The following PRKN variants were observed in gnomAD, a reference collection of about 807,000 sequenced individuals.
The protein encoded by PRKN is E3 ubiquitin-protein ligase parkin.
A neutral mutation model predicts 59.5 loss-of-function variants in PRKN; 56 were observed. That is an observed-to-expected ratio of 0.94 (90% confidence interval 0.76 to 1.18). The LOEUF (loss-of-function observed/expected upper bound fraction) is 1.18. Ranked by LOEUF, PRKN falls within the 50% of genes most tolerant of loss-of-function variation. The probability of loss-of-function intolerance (pLI) is 0.00; values close to 1 mark genes in which losing one functional copy is unlikely to be tolerated. For synonymous variants in PRKN, 250 were observed against 222.1 expected, an observed-to-expected ratio of 1.13 and a Z score of -1.12; for missense variants, 657 against 596.4, an observed-to-expected ratio of 1.10 and a Z score of -1.06.
chr6:162,170,857 C>T (rs1027202615), intron 4 of PRKN, among the ~76,000 whole-genome samples: 4 of 152,070 alleles, frequency 2.6e-5, no homozygotes, highest in Non-Finnish European at 5.9e-5. Context: ...TTGCTTGTGT[C>T]TCATTTAAGT....
chr6:161,516,426 C>A (rs1228130395), intron 9 of PRKN, among the ~76,000 whole-genome samples: 2 of 137,368 alleles, frequency 1.5e-5, no homozygotes, highest in African/African-American at 2.7e-5. Context: ...AAGATTGCAC[C>A]ACTGTGCACT....
chr6:162,620,586 C>A (rs904207038), intron 1 of PRKN, among the ~76,000 whole-genome samples: 2 of 152,168 alleles, frequency 1.3e-5, no homozygotes, highest in Non-Finnish European at 2.9e-5. Flanking sequence ...CATGTATTAT[C>A]TTTTTATTCC....
chr6:162,583,638 T>C (rs1780878749), intron 1 of PRKN, among the ~76,000 whole-genome samples: 1 of 152,196 alleles, frequency 6.6e-6, no homozygotes, highest in Admixed American at 6.5e-5. Flanking sequence ...TCTCTGTTTA[T>C]GCTTTTCCTC....
intron 9 of PRKN, among the ~76,000 whole-genome samples, chr6:161,490,547 C>G (rs542486080): frequency 2.0e-5 from 3 of 151,926 alleles, no homozygotes; most frequent in Non-Finnish European, 2.9e-5. Context: ...GGCACCACCA[C>G]GCTCAGCTAA....
chr6:162,690,911 T>C (rs922637259), intron 1 of PRKN, among the ~76,000 whole-genome samples: 2 of 152,188 alleles, frequency 1.3e-5, no homozygotes, highest in Admixed American at 6.5e-5. Context: ...ACAGATTCTA[T>C]AATTACAGTG....
At position 162,584,893 on chromosome 6, in the gene PRKN, TCCCC is replaced by T. The variant is rs1562409690; in HGVS notation, c.8-141424_8-141421del. Among the ~76,000 whole-genome samples, 29 of 64,018 alleles carry T rather than the reference TCCCC, an allele frequency of 4.5e-4. 1 individual carries two copies. The highest frequency in any genetic ancestry group is 7.6e-4 in the Non-Finnish European group (25 of 32,978). The allele number at this position is 64,018 out of a possible 152,430, so 42.0% of individuals were successfully genotyped here. A position where few individuals can be genotyped will look rare whatever the true frequency, so the allele number is the denominator to read the frequency against. On this transcript the variant is annotated intron_variant, in intron 1 of 11. Transcript: ENST00000366898. ...TCCCCTCCCCTCCCCTCCCCTCCCCTCCCCTCTCCTCTTCTCTTTTCTTTTCTTT... is the reference window on the plus strand; with the variant it reads ...TCCCCTCCCCTCCCCTCCCCTCCCCTTCTCCTCTTCTCTTTTCTTTTCTTT...
chr6:161,646,507 C>T (rs1375899297), intron 7 of PRKN, among the ~76,000 whole-genome samples: 3 of 121,352 alleles, frequency 2.5e-5, no homozygotes, highest in South Asian at 5.7e-4. Context: ...GAGGAGGTGG[C>T]GTATGAGTGA....
At chr6:162,361,805 C>T (rs950460543) in intron 2 of PRKN, among the ~76,000 whole-genome samples, 3 of 152,162 alleles carry the variant, frequency 2.0e-5, no homozygotes, top group Non-Finnish European at 4.4e-5. Flanking sequence ...TATCTGCTCA[C>T]GTACTTCCAG....
intron 7 of PRKN, among the ~76,000 whole-genome samples, chr6:161,709,122 A>G (rs981531332): frequency 6.6e-6 from 1 of 152,254 alleles, no homozygotes; most frequent in African/African-American, 2.4e-5. Flanking sequence ...TGAGGAAGAT[A>G]TAAAGAGGCA....
At chr6:162,250,389 A>G (rs1779385302) in intron 3 of PRKN, among the ~76,000 whole-genome samples, 1 of 152,158 alleles carries the variant, frequency 6.6e-6, no homozygotes, top group Non-Finnish European at 1.5e-5. Flanking sequence ...CCCAAAGTCA[A>G]TGGTTTAATA....
At chr6:162,543,538 G>A (rs1011581234) in intron 1 of PRKN, among the ~76,000 whole-genome samples, 2 of 151,986 alleles carry the variant, frequency 1.3e-5, no homozygotes, top group African/African-American at 4.8e-5. Flanking sequence ...TGTGTTCTAA[G>A]TTCCTCGCCT....
rs562272579 is a variant in PRKN at position 162,470,733 on chromosome 6, ATT to A, written c.8-27262_8-27261del. Among the ~76,000 whole-genome samples the A allele has an allele frequency of 5.6e-3, 846 of 152,126 alleles. 7 individuals carry two copies. Among genetic ancestry groups the A allele is most frequent in the African/African-American group, 0.019 (801 of 41,500 alleles). The stretch of plus-strand genomic sequence containing the variant: ...CTACACCTGAGGCATTCACACTTTA[ATT>A]TTGTTTATTTATTTTTAAATTTTAT... On this transcript the variant is annotated intron_variant, in intron 1 of 11. Transcript: ENST00000366898.
chr6:161,840,202 G>A (rs1792926445), intron 6 of PRKN, among the ~76,000 whole-genome samples: 1 of 152,228 alleles, frequency 6.6e-6, no homozygotes, highest in Admixed American at 6.5e-5. Flanking sequence ...GGGACCAAAT[G>A]GCAAGTGCAG....
intron 9 of PRKN, among the ~76,000 whole-genome samples, chr6:161,494,610 T>C (rs1777675804): frequency 6.6e-6 from 1 of 152,250 alleles, no homozygotes; most frequent in South Asian, 2.1e-4. Flanking sequence ...GACTGGTTCC[T>C]TCATTCAGTA....
chr6:162,430,824 A>G (rs982354329), intron 2 of PRKN, among the ~76,000 whole-genome samples: 1 of 152,188 alleles, frequency 6.6e-6, no homozygotes, highest in African/African-American at 2.4e-5. Context: ...TGGCTGCTAA[A>G]ATAGGAAGAG....
chr6:162,186,515 A>C (rs1411582479), intron 4 of PRKN, among the ~76,000 whole-genome samples: 1 of 152,002 alleles, frequency 6.6e-6, no homozygotes, highest in African/African-American at 2.4e-5. Context: ...CTATGGAAAG[A>C]CTCCACTCAG....
At chr6:162,342,163 A>C (rs992539327) in intron 2 of PRKN, among the ~76,000 whole-genome samples, 2 of 152,200 alleles carry the variant, frequency 1.3e-5, no homozygotes, top group African/African-American at 2.4e-5. Flanking sequence ...TATTTGGTAG[A>C]AAGTGGCAAA....
chr6:161,559,982 G>T (rs1449189597), intron 8 of PRKN, among the ~76,000 whole-genome samples: 1 of 152,138 alleles, frequency 6.6e-6, no homozygotes, highest in African/African-American at 2.4e-5. Flanking sequence ...CAACAGCCAG[G>T]TGCTCTGGAT....
Position 161,348,496 on chromosome 6 carries a change from C to T in PRKN, c.*1603G>A, listed in dbSNP as rs543363389. On this transcript the variant is annotated 3_prime_UTR_variant, in exon 12 of 12. Transcript: ENST00000366898. The surrounding 1 kb of genome is among the most constrained non-coding windows in gnomAD (Gnocchi z 4.9). ...TGGCTGCTGCAGAGCCCAGTCTCTC[C>T]CCGGTGCAGGGCCTCTGAGACGACG... is the stretch of plus-strand genomic sequence containing the variant. The T allele has an allele frequency of 4.7e-6, 1 of 214,792 alleles. No individual in the cohort carries two copies. Among genetic ancestry groups the T allele is most frequent in the South Asian group, 1.9e-4 (1 of 5,388 alleles). The allele number at this position is 214,792 out of a possible 1,614,324, so 13.3% of individuals were successfully genotyped here. A position where few individuals can be genotyped will look rare whatever the true frequency, so the allele number is the denominator to read the frequency against.
Sources: allele counts gnomAD v4.1 joint callset (sites outside exome capture counted in the v4.1 genomes callset), GRCh38; gene constraint gnomAD v4.1.1; non-coding constraint Gnocchi (gnomAD v3.1); transcripts MANE v1.5; gene names NCBI Gene and HGNC (gene_info 2026-07-23, HGNC 2026-07-21).